Variants in ENTPD7 observed in about 807,000 individuals in gnomAD.
ENTPD7 encodes ectonucleoside triphosphate diphosphohydrolase 7.
Under a neutral mutation model 77.9 loss-of-function variants are expected in ENTPD7, and 53 were observed. That is an observed-to-expected ratio of 0.68 (90% CI 0.55 to 0.85). The LOEUF (loss-of-function observed/expected upper bound fraction) is 0.85, where lower values mean the gene tolerates loss of function less well. Ranked by LOEUF, ENTPD7 falls within the 40% of genes least tolerant of loss-of-function variation. The probability of loss-of-function intolerance (pLI) is 0.00; values close to 1 mark genes in which losing one functional copy is unlikely to be tolerated. For missense variants in ENTPD7, 636 were observed against 743.7 expected (o/e 0.86, Z 1.68); for synonymous variants, 248 against 274.9 (o/e 0.90, Z 0.97).
chr10:99,665,259 A>AT (rs1564626631), intron 3 of ENTPD7, among the ~76,000 whole-genome samples: 1 of 150,782 alleles, frequency 6.6e-6, no homozygotes, highest in Non-Finnish European at 1.5e-5. Flanking sequence ...TCTCAAAGAA[A>AT]AAAAAAAAAA....
chr10:99,661,539 C>G lies in ENTPD7; in HGVS notation c.102C>G (p.Leu34=). ...FLRQRVAFLG[L]FFISCLLLLM... is the part of the protein sequence containing the mutation. ...GTCAGCGGGTGGCATTCCTGGGACT[C>G]TTCTTCATATCCTGTCTCCTTTTAC... The change falls in exon 3 of 13, where the codon CTC becomes CTG. Residue 34 remains leucine, a synonymous_variant. Transcript: ENST00000370489. The G allele has an allele frequency of 1.9e-6, 3 of 1,613,976 alleles. No homozygotes were observed. Among genetic ancestry groups the G allele is most frequent in the Non-Finnish European group, 2.5e-6 (3 of 1,179,964 alleles).
chr10:99,680,841 C>T (rs184008152), intron 5 of ENTPD7, among the ~76,000 whole-genome samples: 57 of 152,186 alleles, frequency 3.7e-4, no homozygotes, highest in Non-Finnish European at 6.6e-4. Context: ...CCTCCCAGAG[C>T]GCTGGGATTT....
intron 2 of ENTPD7, among the ~76,000 whole-genome samples, chr10:99,661,205 G>A (rs752001178): frequency 7.9e-5 from 12 of 152,160 alleles, no homozygotes; most frequent in Non-Finnish European, 1.8e-4. Context: ...TCACTAACAT[G>A]AGATTAAGTC....
In ENTPD7 at chr10:99,692,223, C is replaced by G. The variant is rs1017734973; in HGVS notation, c.843+705C>G. On this transcript the variant is annotated intron_variant, in intron 8 of 12. Coordinates refer to ENST00000370489, the MANE Select transcript of ENTPD7 (RefSeq NM_020354.5). ...ACCAGGGCTTCTCATCGTTGGCACT[C>G]TTGACATTTTGGGTCAGATAATTCT... Among the ~76,000 whole-genome samples the G allele has an allele frequency of 3.3e-5, 5 of 152,220 alleles. No homozygotes were observed. In the East Asian group the frequency reaches 9.6e-4, roughly 29 times the overall value.
chr10:99,686,461 C>A (rs920323061), intron 6 of ENTPD7, among the ~76,000 whole-genome samples: 1 of 152,058 alleles, frequency 6.6e-6, no homozygotes, highest in Admixed American at 6.5e-5. Context: ...TTCTTATAAA[C>A]GAGAAGGAGA....
chr10:99,693,599 CA>C (rs2035918222), intron 8 of ENTPD7, among the ~76,000 whole-genome samples: 1 of 152,220 alleles, frequency 6.6e-6, no homozygotes, highest in Admixed American at 6.5e-5. Flanking sequence ...GTACGGAATG[CA>C]TACTTGCAAG....
At chr10:99,699,254 C>T (rs955332865) in intron 10 of ENTPD7, among the ~76,000 whole-genome samples, 2 of 152,168 alleles carry the variant, frequency 1.3e-5, no homozygotes, top group African/African-American at 4.8e-5. Flanking sequence ...ATGATATCAC[C>T]CAGAGGGGCA....
intron 3 of ENTPD7, among the ~76,000 whole-genome samples, chr10:99,676,427 T>A (rs2035682664): frequency 6.6e-6 from 1 of 152,122 alleles, no homozygotes; most frequent in Non-Finnish European, 1.5e-5. Flanking sequence ...GAAAAGTTAT[T>A]CATTATGCAG....
At chr10:99,685,463 G>A (rs527584165) in intron 5 of ENTPD7, among the ~76,000 whole-genome samples, 7 of 152,292 alleles carry the variant, frequency 4.6e-5, no homozygotes, top group Admixed American at 3.9e-4. Context: ...CAACTTGGCT[G>A]CAGTTTCCTG....
chr10:99,694,783 C>T (rs779401043), intron 8 of ENTPD7, among the ~76,000 whole-genome samples: 1 of 152,132 alleles, frequency 6.6e-6, no homozygotes, highest in Non-Finnish European at 1.5e-5. Flanking sequence ...GTGATCCACC[C>T]TCCTTGGCCT....
chr10:99,662,312 G>A (rs1472249687), intron 3 of ENTPD7, among the ~76,000 whole-genome samples: 2 of 151,714 alleles, frequency 1.3e-5, no homozygotes, highest in African/African-American at 4.8e-5. Flanking sequence ...TATCTCTCAT[G>A]TTGGCTTATT....
intron 8 of ENTPD7, among the ~76,000 whole-genome samples, chr10:99,695,526 AAAAAAGAAAAG>A (rs1353368351): frequency 6.6e-6 from 1 of 152,036 alleles, no homozygotes; most frequent in Non-Finnish European, 1.5e-5. Context: ...GTCTCAAAAA[AAAAAAGAAAAG>A]AAAAAGAAAA....
At chr10:99,686,203 CAT>C (rs1304463838) in intron 6 of ENTPD7, among the ~76,000 whole-genome samples, 5 of 152,062 alleles carry the variant, frequency 3.3e-5, no homozygotes, top group African/African-American at 1.2e-4. Context: ...CTTTTGAAAA[CAT>C]ATATAGTTCT....
At position 99,695,910 on chromosome 10, in the gene ENTPD7, GCAAC is replaced by G. The variant is rs767359204; in HGVS notation, c.844-42_844-39del. The G allele has an allele frequency of 6.4e-6, 10 of 1,565,250 alleles. No individual in the cohort carries two copies. In the African/African-American group the frequency reaches 1.2e-4, roughly 19 times the overall value. Reference sequence around the variant, plus strand: ...TAGCAATGTCATAGCTTTCTAGAAGGCAACCAAAACTAAAATTCCCTTTTTCTCT... The same window carrying G: ...TAGCAATGTCATAGCTTTCTAGAAGGCAAAACTAAAATTCCCTTTTTCTCT... On this transcript the variant is annotated intron_variant, in intron 8 of 12. Coordinates refer to ENST00000370489, the MANE Select transcript of ENTPD7 (RefSeq NM_020354.5).
At chr10:99,670,822 C>A (rs893342296) in intron 3 of ENTPD7, among the ~76,000 whole-genome samples, 5 of 151,914 alleles carry the variant, frequency 3.3e-5, no homozygotes, top group African/African-American at 1.2e-4. Context: ...CCAGACCAGC[C>A]TAGGTAATAA....
At chr10:99,663,616 T>C (rs1292300615) in intron 3 of ENTPD7, among the ~76,000 whole-genome samples, 1 of 152,074 alleles carries the variant, frequency 6.6e-6, no homozygotes, top group East Asian at 1.9e-4. Context: ...TATGCCATCA[T>C]ACCTGGCTAA....
At position 99,667,554 on chromosome 10, in the gene ENTPD7, C is replaced by A. The variant is rs556694347; in HGVS notation, c.191+5926C>A. The stretch of plus-strand genomic sequence containing the variant: ...TAAACAGAAGAAGTTCTTGAGCAAC[C>A]AAATTTGATATCACTAAGTTCATGT... On this transcript the variant is annotated intron_variant, in intron 3 of 12. Transcript: ENST00000370489. Among the ~76,000 whole-genome samples the A allele has an allele frequency of 5.1e-4, 77 of 152,266 alleles. 3 individuals are homozygous for A. In the South Asian group the frequency reaches 0.016, roughly 32 times the overall value.
At position 99,707,944 on chromosome 10, in the gene ENTPD7, GTTT is replaced by G. The variant is rs2036284899; in HGVS notation, c.*3262_*3264del. Among the ~76,000 whole-genome samples, 1 of 152,150 alleles carries G rather than the reference GTTT, an allele frequency of 6.6e-6. No individual in the cohort carries two copies. Among genetic ancestry groups the G allele is most frequent in the Non-Finnish European group, 1.5e-5 (1 of 68,030 alleles). On this transcript the variant is annotated 3_prime_UTR_variant, in exon 13 of 13. Coordinates refer to ENST00000370489, the MANE Select transcript of ENTPD7 (RefSeq NM_020354.5). ...ACAAATTCAGGGGGTACAAGTGCAGGTTTGTTACATGAGTATATTGAGTGATGC... is the reference window on the plus strand; with the variant it reads ...ACAAATTCAGGGGGTACAAGTGCAGGGTTACATGAGTATATTGAGTGATGC...
rs1444734618 is a variant in ENTPD7, at chr10:99,705,814, AG to A, written c.*1132del. On this transcript the variant is annotated 3_prime_UTR_variant, in exon 13 of 13. Transcript: ENST00000370489. ...GGCAACTTTCAGAACCTCTATTAAGAGACTGCTGAGTCACAAACAGCACTTC... is the reference window on the plus strand; with the variant it reads ...GGCAACTTTCAGAACCTCTATTAAGAACTGCTGAGTCACAAACAGCACTTC... The A allele has an allele frequency of 6.6e-6, 1 of 152,264 alleles. No individual in the cohort carries two copies. The highest frequency in any genetic ancestry group is 2.4e-5 in the African/African-American group (1 of 41,466). The allele number at this position is 152,264 out of a possible 1,614,324, so 9.4% of individuals were successfully genotyped here. A position where few individuals can be genotyped will look rare whatever the true frequency, so the allele number is the denominator to read the frequency against.
Sources: allele counts gnomAD v4.1 joint callset (sites outside exome capture counted in the v4.1 genomes callset), GRCh38; gene constraint gnomAD v4.1.1; transcripts MANE v1.5; gene names NCBI Gene and HGNC (gene_info 2026-07-23, HGNC 2026-07-21).